The following FSIP1 variants were observed in gnomAD, a reference collection of about 807,000 sequenced individuals.
The protein encoded by FSIP1 is fibrous sheath-interacting protein 1.
Under a neutral mutation model 60.9 loss-of-function variants are expected in FSIP1, and 65 were observed. The ratio of observed to expected loss-of-function variants is 1.07; its 90% CI spans 0.87 to 1.31. The LOEUF (loss-of-function observed/expected upper bound fraction) is 1.31, where lower values mean the gene tolerates loss of function less well. FSIP1 is among the 40% of genes most tolerant of loss of function. The probability of loss-of-function intolerance (pLI) is 0.00; values close to 1 mark genes in which losing one functional copy is unlikely to be tolerated. For synonymous variants in FSIP1, 209 were observed against 221.2 expected (o/e 0.94, Z 0.49); for missense variants, 675 against 665.5 (o/e 1.01, Z -0.16).
chr15:39,682,737 GAT>G (rs1211162817), intron 10 of FSIP1, among the ~76,000 whole-genome samples: 3 of 152,090 alleles, frequency 2.0e-5, no homozygotes, highest in African/African-American at 7.2e-5. Flanking sequence ...TTTAAAATCA[GAT>G]CTTAGAAGAC....
intron 9 of FSIP1, among the ~76,000 whole-genome samples, chr15:39,717,689 G>A (rs1895793909): frequency 6.6e-6 from 1 of 152,070 alleles, no homozygotes; most frequent in South Asian, 2.1e-4. Context: ...ATATCCTACA[G>A]GAGCCATTAT....
chr15:39,745,250 C>T (rs900340232), intron 5 of FSIP1, among the ~76,000 whole-genome samples: 3 of 152,104 alleles, frequency 2.0e-5, no homozygotes, highest in Admixed American at 6.5e-5. Flanking sequence ...ATGCCCTACA[C>T]GAGTATAGTA....
chr15:39,632,335 C>T (rs918172778), intron 10 of FSIP1, among the ~76,000 whole-genome samples: 2 of 152,080 alleles, frequency 1.3e-5, no homozygotes, highest in Non-Finnish European at 2.9e-5. Context: ...CACCACCATG[C>T]CCGGCTAATT....
intron 10 of FSIP1, among the ~76,000 whole-genome samples, chr15:39,707,765 T>C (rs766799657): frequency 2.0e-5 from 3 of 152,120 alleles, no homozygotes; most frequent in African/African-American, 4.8e-5. Context: ...TTGAAGCACA[T>C]TGGGCTCAGG....
At chr15:39,743,659 A>G (rs1357500222) in intron 5 of FSIP1, among the ~76,000 whole-genome samples, 1 of 152,226 alleles carries the variant, frequency 6.6e-6, no homozygotes, top group African/African-American at 2.4e-5. Context: ...TAATTTATTA[A>G]TTACCAAAGG....
chr15:39,725,568 A>G (rs1424041315), intron 9 of FSIP1, among the ~76,000 whole-genome samples: 1 of 152,232 alleles, frequency 6.6e-6, no homozygotes, highest in South Asian at 2.1e-4. Flanking sequence ...CTGATATTTA[A>G]ATCTTTGGAT....
intron 10 of FSIP1, among the ~76,000 whole-genome samples, chr15:39,632,892 T>C (rs1018871593): frequency 3.9e-5 from 6 of 152,248 alleles, no homozygotes; most frequent in African/African-American, 7.2e-5. Flanking sequence ...TAACTTCAAG[T>C]AGGCAGGGCA....
chr15:39,704,817 G>T (rs527758124), intron 10 of FSIP1, among the ~76,000 whole-genome samples: 2 of 152,130 alleles, frequency 1.3e-5, no homozygotes, highest in African/African-American at 4.8e-5. Flanking sequence ...AGAGCATGTC[G>T]AAATAAGAAT....
At chr15:39,649,119 G>C (rs960214977) in intron 10 of FSIP1, among the ~76,000 whole-genome samples, 1 of 152,168 alleles carries the variant, frequency 6.6e-6, no homozygotes, top group African/African-American at 2.4e-5. Context: ...CACGATTTCA[G>C]TCTTCTTTAA....
At chr15:39,768,685 C>T (rs1224946758) in intron 3 of FSIP1, among the ~76,000 whole-genome samples, 1 of 152,164 alleles carries the variant, frequency 6.6e-6, no homozygotes, top group African/African-American at 2.4e-5. Context: ...GTGGTTAAAA[C>T]AGGAAGAAGA....
chr15:39,618,097 C>A lies in FSIP1; in HGVS notation c.1337G>T (p.Arg446Met), dbSNP rs772046954. 1.9e-6 allele frequency: 3 copies of A among 1,614,030 alleles called. No individual in the cohort carries two copies. Among genetic ancestry groups the A allele is most frequent in the Non-Finnish European group, 2.5e-6 (3 of 1,180,032 alleles). ...DVTPVFPQLS[R>M]SIISKLLNES... ...ATTTAGCAATTTAGAGATGATGGAC[C>A]TGGAAAGCTGGGGGAACACAGGTGT... The change falls in exon 11 of 12, where the codon AGG becomes ATG. Residue 446 changes from arginine (R) to methionine (M), a missense_variant. Transcript: ENST00000350221.
Position 39,752,172 on chromosome 15 carries a change from A to T in FSIP1, c.560-10272T>A, listed in dbSNP as rs867376527. Among the ~76,000 whole-genome samples, 28 of 152,114 alleles carry T rather than the reference A, an allele frequency of 1.8e-4. 1 individual carries two copies. In the Middle Eastern group the frequency reaches 0.01, roughly 55 times the overall value. ...TTGTTTTTGAGAATTTAGTCATAAA[A>T]TCTTTGCCTAGGCCAATAACCAGAA... is the stretch of plus-strand genomic sequence containing the variant. On this transcript the variant is annotated intron_variant, in intron 5 of 11. Transcript: ENST00000350221.
In FSIP1 at chr15:39,765,615, T is replaced by C; in HGVS notation, c.442A>G (p.Ile148Val). ...EIKKQGLEMR[I>V]KLWEEIKSAK... is the part of the protein sequence containing the mutation. ...ACCTTAATTTCTTCCCACAGCTTTA[T>C]TCTCATTTCTAGACCTTGCTTCTTA... Residue 148 changes from isoleucine (I) to valine (V), a missense_variant, in exon 4 of 12, where the codon ATA becomes GTA. Physicochemically the swap from Ile to Val is conservative, Grantham distance 29 (BLOSUM62 3). Transcript: ENST00000350221. 1.3e-6 allele frequency: 2 copies of C among 1,590,512 alleles called. No individual in the cohort carries two copies. The highest frequency in any genetic ancestry group is 1.7e-6 in the Non-Finnish European group (2 of 1,172,878).
chr15:39,724,348 T>C (rs1054436084), intron 9 of FSIP1, among the ~76,000 whole-genome samples: 1 of 151,788 alleles, frequency 6.6e-6, no homozygotes, highest in Non-Finnish European at 1.5e-5. Flanking sequence ...GCCTCCCGAG[T>C]TCACGCCATT....
chr15:39,619,324 T>C (rs562783767), intron 10 of FSIP1, among the ~76,000 whole-genome samples: 1 of 152,342 alleles, frequency 6.6e-6, no homozygotes, highest in Admixed American at 6.5e-5. Context: ...AAAATTATGT[T>C]TAACTTACCT....
chr15:39,779,111 C>G (rs1898161240), intron 1 of FSIP1, among the ~76,000 whole-genome samples: 1 of 151,930 alleles, frequency 6.6e-6, no homozygotes, highest in South Asian at 2.1e-4. Flanking sequence ...AGATGATATA[C>G]AAAAGGTTAA....
At chr15:39,761,546 T>C (rs539185541) in intron 5 of FSIP1, among the ~76,000 whole-genome samples, 2 of 152,198 alleles carry the variant, frequency 1.3e-5, no homozygotes, top group Non-Finnish European at 2.9e-5. Flanking sequence ...CAGAGTGGAA[T>C]GGTGGTTACC....
chr15:39,677,900 G>A (rs918577994), intron 10 of FSIP1, among the ~76,000 whole-genome samples: 1 of 151,982 alleles, frequency 6.6e-6, no homozygotes, highest in Non-Finnish European at 1.5e-5. Flanking sequence ...GGAGGCTGAG[G>A]CAGGAGAATC....
chr15:39,687,068 T>A (rs1354216443), intron 10 of FSIP1, among the ~76,000 whole-genome samples: 1 of 150,938 alleles, frequency 6.6e-6, no homozygotes, highest in Non-Finnish European at 1.5e-5. Flanking sequence ...CTTTGCAGCC[T>A]CTTACTCAAT....
Sources: gnomAD v4.1 joint callset for allele counts (sites outside exome capture counted in the v4.1 genomes callset) on GRCh38, gnomAD v4.1.1 for gene constraint, MANE v1.5 for transcripts, NCBI Gene and HGNC (gene_info 2026-07-23, HGNC 2026-07-21) for gene names.